DPP10: variants seen among roughly 807,000 people sequenced by gnomAD.
DPP10 encodes the protein dipeptidyl peptidase like 10.
A neutral mutation model predicts 120.9 loss-of-function variants in DPP10; 33 were observed. That is an observed-to-expected ratio of 0.27 (90% confidence interval 0.21 to 0.37). The LOEUF is 0.37. Ranked by LOEUF, DPP10 falls within the 10% of genes least tolerant of loss-of-function variation. The pLI is 1.00. For synonymous variants in DPP10, 337 were observed against 326.1 expected (o/e 1.03, Z -0.36); for missense variants, 816 against 942.8 (o/e 0.87, Z 1.76).
At chr2:115,453,479 A>G (rs1441199596) in intron 3 of DPP10, among the ~76,000 whole-genome samples, 1 of 151,652 alleles carries the variant, frequency 6.6e-6, no homozygotes, top group East Asian at 1.9e-4. Context: ...AAATAGAATT[A>G]AATTAGAAAT....
chr2:114,947,309 G>T (rs1401766827), intron 1 of DPP10, among the ~76,000 whole-genome samples: 1 of 150,058 alleles, frequency 6.7e-6, no homozygotes, highest in Non-Finnish European at 1.5e-5. Context: ...TTTTTTTCTG[G>T]TAAGCACAAT....
chr2:115,515,142 C>T (rs184284166), intron 4 of DPP10, among the ~76,000 whole-genome samples: 27 of 151,990 alleles, frequency 1.8e-4, no homozygotes, highest in African/African-American at 6.5e-4. Flanking sequence ...TGTATTACCA[C>T]TGGTTTAAAT....
intron 3 of DPP10, among the ~76,000 whole-genome samples, chr2:115,418,543 G>A (rs2069637343): frequency 6.6e-6 from 1 of 152,154 alleles, no homozygotes; most frequent in African/African-American, 2.4e-5. Flanking sequence ...AGCTGAGGCA[G>A]GAGGATTGCT....
chr2:115,200,296 A>G (rs549968045), intron 1 of DPP10, among the ~76,000 whole-genome samples: 35 of 152,342 alleles, frequency 2.3e-4, no homozygotes, highest in African/African-American at 8.2e-4. Flanking sequence ...CAGAGTTTCA[A>G]ATAACCATTA....
At chr2:115,068,215 C>G (rs1707081552) in intron 1 of DPP10, among the ~76,000 whole-genome samples, 1 of 151,844 alleles carries the variant, frequency 6.6e-6, no homozygotes, top group African/African-American at 2.4e-5. Flanking sequence ...TTTTCACACC[C>G]TCACCAACAC....
chr2:114,891,764 T>C (rs188835530), intron 1 of DPP10, among the ~76,000 whole-genome samples: 3 of 152,338 alleles, frequency 2.0e-5, no homozygotes, highest in Non-Finnish European at 4.4e-5. Context: ...TGATGGATGA[T>C]TAAATAGGCA....
At chr2:115,685,553 ATAAT>A (rs2090943369) in intron 5 of DPP10, among the ~76,000 whole-genome samples, 3 of 152,030 alleles carry the variant, frequency 2.0e-5, no homozygotes, top group African/African-American at 7.2e-5. Flanking sequence ...GAACTTGCAC[ATAAT>A]TAGTATTCAA....
intron 5 of DPP10, among the ~76,000 whole-genome samples, chr2:115,555,658 C>G (rs780222705): frequency 1.3e-4 from 20 of 152,018 alleles, no homozygotes; most frequent in Non-Finnish European, 2.9e-4. Flanking sequence ...TCTCAATTAC[C>G]TTCAGTTATA....
At chr2:115,176,984 T>C (rs922775495) in intron 1 of DPP10, among the ~76,000 whole-genome samples, 1 of 152,220 alleles carries the variant, frequency 6.6e-6, no homozygotes, top group Admixed American at 6.5e-5. Context: ...ATTTTAATCA[T>C]GTATAATTTT....
intron 1 of DPP10, among the ~76,000 whole-genome samples, chr2:114,955,939 G>A (rs1263451076): frequency 1.3e-5 from 2 of 152,042 alleles, no homozygotes; most frequent in African/African-American, 4.8e-5. Flanking sequence ...TGAAAAGAAT[G>A]TACCTCAACA....
At chr2:115,480,533 G>A (rs542814866) in intron 3 of DPP10, among the ~76,000 whole-genome samples, 17 of 152,086 alleles carry the variant, frequency 1.1e-4, no homozygotes, top group Non-Finnish European at 2.4e-4. Context: ...AACAAAAATG[G>A]TGATTTTCTA....
At chr2:114,716,801 A>C (rs1398436560) in intron 1 of DPP10, among the ~76,000 whole-genome samples, 1 of 152,214 alleles carries the variant, frequency 6.6e-6, no homozygotes, top group African/African-American at 2.4e-5. Flanking sequence ...GTCTCTAAAA[A>C]TCATAGTATT....
chr2:114,585,145 T>C (rs1390844137), intron 1 of DPP10, among the ~76,000 whole-genome samples: 2 of 152,124 alleles, frequency 1.3e-5, no homozygotes, highest in East Asian at 3.9e-4. Flanking sequence ...GAGGCTGGAA[T>C]GAGAATATCA....
intron 1 of DPP10, among the ~76,000 whole-genome samples, chr2:114,464,501 C>A (rs78419023): frequency 1.3e-5 from 2 of 152,036 alleles, no homozygotes; most frequent in African/African-American, 4.8e-5. Flanking sequence ...AGATACATAT[C>A]GTTTATTAGA....
chr2:114,848,453 A>G (rs2106476804), intron 1 of DPP10, among the ~76,000 whole-genome samples: 1 of 152,312 alleles, frequency 6.6e-6, no homozygotes, highest in East Asian at 1.9e-4. Flanking sequence ...CTTCTAACAA[A>G]AATTACATTC....
chr2:115,712,706 G>A (rs575264922), intron 7 of DPP10, among the ~76,000 whole-genome samples: 7 of 150,624 alleles, frequency 4.6e-5, no homozygotes, highest in South Asian at 2.1e-4. Context: ...CCAAAGTTAT[G>A]TAGGTGCTTC....
chr2:114,547,829 GA>G (rs1687543246), intron 1 of DPP10, among the ~76,000 whole-genome samples: 1 of 152,204 alleles, frequency 6.6e-6, no homozygotes, highest in Non-Finnish European at 1.5e-5. Context: ...GAAGAGTGTA[GA>G]AATGGACCAC....
chr2:115,513,748 T>G (rs764349433), intron 4 of DPP10, among the ~76,000 whole-genome samples: 29 of 152,034 alleles, frequency 1.9e-4, no homozygotes, highest in Non-Finnish European at 3.2e-4. Context: ...TTATAATAAT[T>G]GTTTTTATGC....
At chr2:115,270,947 C>G (rs1244881385) in intron 1 of DPP10, among the ~76,000 whole-genome samples, 1 of 151,518 alleles carries the variant, frequency 6.6e-6, no homozygotes, top group Admixed American at 6.6e-5. Context: ...TTTTTTTATT[C>G]CACTTTGGAG....
Sources: allele counts gnomAD v4.1 joint callset (sites outside exome capture counted in the v4.1 genomes callset), GRCh38; gene constraint gnomAD v4.1.1; transcripts MANE v1.5; gene names NCBI Gene and HGNC (gene_info 2026-07-23, HGNC 2026-07-21).